PRIM2: variants seen among roughly 807,000 people sequenced by gnomAD.
The protein encoded by PRIM2 is DNA primase subunit 2.
A neutral mutation model predicts 67.3 loss-of-function variants in PRIM2; 39 were observed. The ratio of observed to expected loss-of-function variants is 0.58; its 90% confidence interval spans 0.45 to 0.76. The LOEUF (loss-of-function observed/expected upper bound fraction) is 0.76. Among genes scored for constraint, PRIM2 ranks in the 30% least tolerant of loss-of-function variants. The pLI is 0.00. For missense variants in PRIM2, 398 were observed against 598.7 expected, an observed-to-expected ratio of 0.66 and a Z score of 3.50; for synonymous variants, 143 against 198.7, an observed-to-expected ratio of 0.72 and a Z score of 2.36.
chr6:57,337,072 A>G (rs1768279674), intron 5 of PRIM2, among the ~76,000 whole-genome samples: 1 of 152,212 alleles, frequency 6.6e-6, no homozygotes, highest in South Asian at 2.1e-4. Flanking sequence ...AGTCTCTGAT[A>G]AAACAGACTT....
the PRIM2 span, among the ~76,000 whole-genome samples, chr6:57,275,538 A>G: frequency 6.6e-6 from 1 of 152,250 alleles, no homozygotes; most frequent in Admixed American, 6.5e-5. Context: ...GACAGTTACT[A>G]CTGAATGAAT....
intron 5 of PRIM2, among the ~76,000 whole-genome samples, chr6:57,340,506 C>A (rs539922207): frequency 1.4e-4 from 21 of 152,236 alleles, no homozygotes; most frequent in Non-Finnish European, 2.4e-4. Context: ...CACATATACA[C>A]CATGGAATAC....
the PRIM2 span, among the ~76,000 whole-genome samples, chr6:57,284,907 T>C: frequency 1.7e-4 from 26 of 151,894 alleles, no homozygotes; most frequent in Non-Finnish European, 3.1e-4. Context: ...GAGAGAAGAA[T>C]CAAATAGATA....
chr6:57,235,940 T>C, the PRIM2 span, among the ~76,000 whole-genome samples: 2 of 152,194 alleles, frequency 1.3e-5, no homozygotes, highest in African/African-American at 4.8e-5. Context: ...AGCACAAGGA[T>C]TCTCCTCTAG....
chr6:57,481,893 A>G (rs1196928314), intron 7 of PRIM2, among the ~76,000 whole-genome samples: 7 of 152,180 alleles, frequency 4.6e-5, no homozygotes, highest in Non-Finnish European at 1.0e-4. Context: ...TGTGTTAGAA[A>G]CAGACATGAT....
At chr6:57,284,342 GC>G in the PRIM2 span, among the ~76,000 whole-genome samples, 4 of 152,140 alleles carry the variant, frequency 2.6e-5, no homozygotes, top group Non-Finnish European at 5.9e-5. Context: ...GTGCTTGTAC[GC>G]TATTCAGGTC....
chr6:57,372,110 T>C (rs3800008), intron 5 of PRIM2, among the ~76,000 whole-genome samples: 107,635 of 152,090 alleles, frequency 0.71, 38,448 homozygotes, highest in African/African-American at 0.82. Context: ...AAATTTTTAC[T>C]TATAAAACTT....
the PRIM2 span, among the ~76,000 whole-genome samples, chr6:57,266,754 A>T: frequency 6.6e-6 from 1 of 152,170 alleles, no homozygotes; most frequent in Non-Finnish European, 1.5e-5. Context: ...GCTTCTCTCT[A>T]CTTGCTAGTT....
chr6:57,301,428 G>A, the PRIM2 span, among the ~76,000 whole-genome samples: 51 of 152,208 alleles, frequency 3.4e-4, no homozygotes, highest in Non-Finnish European at 6.9e-4. Context: ...CGGAGGTTGC[G>A]GTGAGCCAAG....
At chr6:57,586,255 G>T (rs1332012243) in intron 10 of PRIM2, among the ~76,000 whole-genome samples, 5 of 152,190 alleles carry the variant, frequency 3.3e-5, no homozygotes, top group African/African-American at 4.8e-5. Context: ...CGCTAGCCTG[G>T]AGTCATAAGA....
chr6:57,602,277 C>T (rs1165714524), intron 11 of PRIM2, among the ~76,000 whole-genome samples: 2 of 152,046 alleles, frequency 1.3e-5, no homozygotes, highest in African/African-American at 4.8e-5. Context: ...GCCAGGCTGG[C>T]GGGCCTCAGG....
intron 7 of PRIM2, among the ~76,000 whole-genome samples, chr6:57,416,736 T>C (rs12196998): frequency 7.9e-5 from 12 of 152,170 alleles, no homozygotes; most frequent in Admixed American, 7.9e-4. Context: ...CTTCACCTTG[T>C]ACTTTTATGT....
chr6:57,403,947 G>T (rs1770800457), intron 7 of PRIM2, among the ~76,000 whole-genome samples: 1 of 147,692 alleles, frequency 6.8e-6, no homozygotes, highest in Admixed American at 6.8e-5. Context: ...TTCCTGGTTT[G>T]CAGATGGCTG....
At chr6:57,396,514 C>T (rs1352139768) in intron 7 of PRIM2, among the ~76,000 whole-genome samples, 2 of 152,142 alleles carry the variant, frequency 1.3e-5, no homozygotes, top group Non-Finnish European at 2.9e-5. Context: ...TGCCTTATTC[C>T]ACCCCTCACT....
chr6:57,279,410 A>G, the PRIM2 span, among the ~76,000 whole-genome samples: 2 of 152,308 alleles, frequency 1.3e-5, no homozygotes, highest in African/African-American at 4.8e-5. Flanking sequence ...AGGAACTACT[A>G]GAGAAGCTTC....
intron 13 of PRIM2, among the ~76,000 whole-genome samples, chr6:57,644,312 C>T (rs1329021858): frequency 1.3e-5 from 2 of 151,948 alleles, no homozygotes; most frequent in African/African-American, 4.8e-5. Context: ...TTCCCCTCAT[C>T]ATCCCAGCTT....
chr6:57,486,957 C>G (rs1326812380), intron 7 of PRIM2, among the ~76,000 whole-genome samples: 3 of 152,064 alleles, frequency 2.0e-5, no homozygotes, highest in Non-Finnish European at 4.4e-5. Context: ...TTTTCATATT[C>G]AGAAAATAAA....
chr6:57,241,239 G>GA, the PRIM2 span, among the ~76,000 whole-genome samples: 1 of 139,998 alleles, frequency 7.1e-6, no homozygotes, highest in Non-Finnish European at 1.6e-5. Context: ...AAAAAAAAAA[G>GA]AAAAAAAGAA....
chr6:57,232,590 A>G, the PRIM2 span, among the ~76,000 whole-genome samples: 1 of 152,192 alleles, frequency 6.6e-6, no homozygotes, highest in Non-Finnish European at 1.5e-5. Flanking sequence ...AGGGATGGTT[A>G]GGTACCAGGA....
Sources: allele counts gnomAD v4.1 joint callset (sites outside exome capture counted in the v4.1 genomes callset), GRCh38; gene constraint gnomAD v4.1.1; transcripts MANE v1.5; gene names NCBI Gene and HGNC (gene_info 2026-07-23, HGNC 2026-07-21).